Variants in CEP112 observed in about 807,000 individuals in gnomAD.
The protein encoded by CEP112 is centrosomal protein of 112 kDa.
A neutral mutation model predicts 153.0 loss-of-function variants in CEP112; 127 were observed. The ratio of observed to expected loss-of-function variants is 0.83; its 90% CI spans 0.72 to 0.96. The LOEUF is 0.96. Ranked by LOEUF, CEP112 falls within the 40% of genes least tolerant of loss-of-function variation. The pLI is 0.00. For missense variants in CEP112, 1,089 were observed against 1,101.2 expected, an observed-to-expected ratio of 0.99 and a Z score of 0.16; for synonymous variants, 358 against 374.4, an observed-to-expected ratio of 0.96 and a Z score of 0.51.
intron 20 of CEP112, among the ~76,000 whole-genome samples, chr17:65,896,496 A>C (rs1376928630): frequency 6.6e-6 from 1 of 152,036 alleles, no homozygotes; most frequent in East Asian, 1.9e-4. Context: ...TGCTAACTAA[A>C]TACTTAAGAA....
intron 6 of CEP112, among the ~76,000 whole-genome samples, chr17:66,108,255 C>A (rs937069613): frequency 6.6e-6 from 1 of 152,040 alleles, no homozygotes; most frequent in Non-Finnish European, 1.5e-5. Context: ...ATTTCTTCAG[C>A]AATTACCCCA....
intron 17 of CEP112, among the ~76,000 whole-genome samples, chr17:65,990,314 C>G (rs1467031257): frequency 5.3e-5 from 8 of 152,190 alleles, no homozygotes; most frequent in African/African-American, 1.4e-4. Flanking sequence ...TAAAAAGAAC[C>G]ATCACAGGAA....
chr17:66,164,331 G>A (rs558729312), intron 4 of CEP112, among the ~76,000 whole-genome samples: 18 of 147,236 alleles, frequency 1.2e-4, no homozygotes, highest in Non-Finnish European at 2.1e-4. Flanking sequence ...GCCAAGGCGG[G>A]AGGACCATTT....
chr17:66,164,455 G>C (rs1172480234), intron 4 of CEP112, among the ~76,000 whole-genome samples: 2 of 151,660 alleles, frequency 1.3e-5, no homozygotes, highest in African/African-American at 4.9e-5. Context: ...CTACTCGGGA[G>C]GCTGGGGCAG....
chr17:65,990,530 G>C (rs925509918), intron 17 of CEP112, among the ~76,000 whole-genome samples: 1 of 152,256 alleles, frequency 6.6e-6, no homozygotes, highest in Non-Finnish European at 1.5e-5. Context: ...TGTCATGGTG[G>C]AAAAGAGAAC....
chr17:65,936,235 G>C (rs2144346618), intron 18 of CEP112, among the ~76,000 whole-genome samples: 1 of 152,286 alleles, frequency 6.6e-6, no homozygotes, highest in Non-Finnish European at 1.5e-5. Flanking sequence ...TAAGGAGACT[G>C]AATCATTAGC....
chr17:65,763,012 C>A (rs2052707543), intron 21 of CEP112, among the ~76,000 whole-genome samples: 1 of 151,894 alleles, frequency 6.6e-6, no homozygotes, highest in East Asian at 1.9e-4. Context: ...ACAAACTCCC[C>A]CAATTTTTGT....
chr17:65,757,878 C>T (rs183796324), intron 21 of CEP112, among the ~76,000 whole-genome samples: 1 of 152,212 alleles, frequency 6.6e-6, no homozygotes, highest in East Asian at 1.9e-4. Context: ...TAAAGGAAGG[C>T]TTAGTTATTT....
In CEP112 at chr17:66,192,008, A is replaced by G. The variant is rs147152651; in HGVS notation, c.-20T>C. 744 of 153,970 alleles carry G rather than the reference A, an allele frequency of 4.8e-3. 5 individuals carry two copies. Among genetic ancestry groups the G allele is most frequent in the African/African-American group, 0.017 (716 of 41,488 alleles). 9.5% of individuals were successfully genotyped at this position (153,970 alleles called of 1,614,324 possible). On this transcript the variant is annotated 5_prime_UTR_variant, in exon 1 of 27. Transcript: ENST00000535342. ...AAAAAAACGAGAACCTGGCACCACC[A>G]CACGCAAGCTTTCCGCTCGGCCGCT...
intron 4 of CEP112, among the ~76,000 whole-genome samples, chr17:66,169,282 CT>C (rs538896272): frequency 0.035 from 4,209 of 120,842 alleles, 46 homozygotes; most frequent in South Asian, 0.059. Flanking sequence ...TTAATTTCTT[CT>C]TTTTTTTTTT....
chr17:65,821,536 ATATATTTTTTTTTTT>A (rs1489921983), intron 21 of CEP112, among the ~76,000 whole-genome samples: 58 of 36,058 alleles, frequency 1.6e-3, no homozygotes, highest in Non-Finnish European at 2.4e-3. Context: ...ATATATATAT[ATATATTTTTTTTTTT>A]TTTTTTTTTT....
chr17:65,988,760 T>A (rs2063490205), intron 17 of CEP112, among the ~76,000 whole-genome samples: 1 of 151,682 alleles, frequency 6.6e-6, no homozygotes. Context: ...GAAAAAAAGA[T>A]CTCCTACAAG....
intron 6 of CEP112, among the ~76,000 whole-genome samples, chr17:66,119,649 T>C (rs745498129): frequency 6.6e-6 from 1 of 152,218 alleles, no homozygotes; most frequent in African/African-American, 2.4e-5. Flanking sequence ...TTAGGACTAT[T>C]TGCAGTTTTG....
At chr17:65,837,281 G>A (rs1228454582) in intron 21 of CEP112, among the ~76,000 whole-genome samples, 1 of 151,766 alleles carries the variant, frequency 6.6e-6, no homozygotes, top group Non-Finnish European at 1.5e-5. Context: ...GGGATGTGAG[G>A]AGCCCCTCTG....
At chr17:66,074,201 A>G (rs2067400936) in intron 8 of CEP112, among the ~76,000 whole-genome samples, 1 of 152,162 alleles carries the variant, frequency 6.6e-6, no homozygotes, top group African/African-American at 2.4e-5. Flanking sequence ...AATTCAAAGG[A>G]ACAAAAATTC....
chr17:65,912,236 G>A (rs1466360702), intron 19 of CEP112, among the ~76,000 whole-genome samples: 2 of 152,142 alleles, frequency 1.3e-5, no homozygotes, highest in Non-Finnish European at 2.9e-5. Context: ...GATCCCTGCA[G>A]GGTAAGACAC....
chr17:65,655,214 A>G (rs772810863), intron 24 of CEP112: 44 of 814,966 alleles, frequency 5.4e-5, no homozygotes, highest in Non-Finnish European at 8.8e-5. Flanking sequence ...GCTTGTTGCA[A>G]CCTAAACACT....
At chr17:65,848,411 CT>C (rs1455987234) in intron 21 of CEP112, among the ~76,000 whole-genome samples, 1 of 152,162 alleles carries the variant, frequency 6.6e-6, no homozygotes, top group Non-Finnish European at 1.5e-5. Flanking sequence ...TCCAAATAGT[CT>C]TTTCCTCTAT....
intron 4 of CEP112, among the ~76,000 whole-genome samples, chr17:66,147,744 A>G (rs1376050607): frequency 1.3e-5 from 2 of 152,120 alleles, no homozygotes; most frequent in Non-Finnish European, 2.9e-5. Flanking sequence ...CTTTTTTCCC[A>G]ACACCATTTG....
Sources: gnomAD v4.1 joint callset for allele counts (sites outside exome capture counted in the v4.1 genomes callset) on GRCh38, gnomAD v4.1.1 for gene constraint, MANE v1.5 for transcripts, NCBI Gene and HGNC (gene_info 2026-07-23, HGNC 2026-07-21) for gene names.